Variants in SLC28A1 observed in about 807,000 individuals in gnomAD.
SLC28A1 encodes the protein solute carrier family 28 member 1.
In SLC28A1, 64 loss-of-function variants were observed where a neutral mutation model predicts 74.8. The ratio of observed to expected loss-of-function variants is 0.86; its 90% CI spans 0.70 to 1.05. The LOEUF (loss-of-function observed/expected upper bound fraction) is 1.05, where lower values mean the gene tolerates loss of function less well. Among genes scored for constraint, SLC28A1 ranks in the 50% least tolerant of loss-of-function variants. SLC28A1 has a pLI of 0.00. For missense variants in SLC28A1, 828 were observed against 822.8 expected, an observed-to-expected ratio of 1.01 and a Z score of -0.08; for synonymous variants, 359 against 335.0, an observed-to-expected ratio of 1.07 and a Z score of -0.78.
chr15:84,891,686 G>A (rs549261056), intron 5 of SLC28A1, among the ~76,000 whole-genome samples: 1 of 152,342 alleles, frequency 6.6e-6, no homozygotes, highest in African/African-American at 2.4e-5. Flanking sequence ...TAGGGACAAG[G>A]AGGCCACTGG....
intron 7 of SLC28A1, 59 bp from the exon 8 acceptor site, chr15:84,905,480 C>A: frequency 8.2e-7 from 1 of 1,221,662 alleles, no homozygotes; most frequent in Non-Finnish European, 1.2e-6. Context: ...CACCCCCACC[C>A]GGCTCCCTGC....
the SLC28A1 span, among the ~76,000 whole-genome samples, chr15:84,973,203 T>G: frequency 6.6e-6 from 1 of 152,236 alleles, no homozygotes; most frequent in Non-Finnish European, 1.5e-5. Context: ...CCTTTGTACT[T>G]TCTTTTACCT....
intron 6 of SLC28A1, among the ~76,000 whole-genome samples, chr15:84,899,184 G>GA (rs139497758): frequency 0.24 from 35,491 of 148,346 alleles, 4,493 homozygotes; most frequent in Middle Eastern, 0.35. Flanking sequence ...CAGTAGCAGA[G>GA]AAAAAAAAAA....
the SLC28A1 span, among the ~76,000 whole-genome samples, chr15:84,971,595 T>A: frequency 6.6e-6 from 1 of 152,174 alleles, no homozygotes; most frequent in Non-Finnish European, 1.5e-5. Flanking sequence ...CCATGCTTCT[T>A]GTACAGCCTG....
chr15:84,966,967 TG>T, the SLC28A1 span, among the ~76,000 whole-genome samples: 7,785 of 151,836 alleles, frequency 0.051, 517 homozygotes, highest in Admixed American at 0.17. Context: ...TTTTAAGAGA[TG>T]GGGGGTCTTG....
chr15:84,941,487 G>A (rs1194067482), intron 15 of SLC28A1, among the ~76,000 whole-genome samples: 1 of 151,782 alleles, frequency 6.6e-6, no homozygotes, highest in East Asian at 1.9e-4. Flanking sequence ...TTACAGGCGT[G>A]ACCCACTGCA....
chr15:84,969,118 C>T, the SLC28A1 span, among the ~76,000 whole-genome samples: 3 of 152,194 alleles, frequency 2.0e-5, no homozygotes, highest in Non-Finnish European at 4.4e-5. Flanking sequence ...TCTGGTTCTG[C>T]CAGCTTCTAC....
chr15:84,940,835 A>G (rs542607882), intron 15 of SLC28A1: 284 of 195,526 alleles, frequency 1.5e-3, no homozygotes, highest in African/African-American at 6.2e-3. Context: ...AGAAGAGGCC[A>G]AAGGAGGCCT....
Position 84,895,298 on chromosome 15 carries a change from T to C in SLC28A1, c.461+175T>C, listed in dbSNP as rs186400684. On this transcript the variant is annotated intron_variant, in intron 6 of 18. Coordinates refer to ENST00000394573, the MANE Select transcript of SLC28A1 (RefSeq NM_004213.5). The stretch of plus-strand genomic sequence containing the variant: ...TTCAAACAAAGCAGCATCTTTGTGG[T>C]GTTTCACCAGTTCTTAGTCCCAGTT... The C allele has an allele frequency of 1.9e-3, 3,008 of 1,596,188 alleles. 47 individuals are homozygous for C. The African/African-American group carries it at 0.033, about 17-fold the overall frequency.
At chr15:84,941,703 G>A (rs764940605) in intron 15 of SLC28A1, among the ~76,000 whole-genome samples, 7 of 152,050 alleles carry the variant, frequency 4.6e-5, no homozygotes, top group African/African-American at 2.4e-5. Context: ...GGCCAACATG[G>A]CAAACAGGAA....
chr15:84,898,723 G>T (rs371998183), intron 6 of SLC28A1, among the ~76,000 whole-genome samples: 1 of 152,174 alleles, frequency 6.6e-6, no homozygotes, highest in Non-Finnish European at 1.5e-5. Context: ...TGGACATCAG[G>T]CAATAAAGGA....
At chr15:84,946,100 ATATATATATATATTTTTT>A, downstream of SLC28A1, among the ~76,000 whole-genome samples, 1 of 14,980 alleles carries the variant, frequency 6.7e-5, no homozygotes, top group South Asian at 3.9e-3. Context: ...ATATATATAT[ATATATATATATATTTTTT>A]TTTTTTTTTT....
At chr15:84,907,427 T>G (rs1054921748) in intron 8 of SLC28A1, among the ~76,000 whole-genome samples, 1 of 152,230 alleles carries the variant, frequency 6.6e-6, no homozygotes, top group Non-Finnish European at 1.5e-5. Flanking sequence ...TCAAGTAATC[T>G]GCCCGCCTTG....
At chr15:84,973,753 G>A in the SLC28A1 span, among the ~76,000 whole-genome samples, 2 of 152,172 alleles carry the variant, frequency 1.3e-5, no homozygotes, top group African/African-American at 4.8e-5. Flanking sequence ...TATGAGCTCC[G>A]TGAAGTCAGG....
chr15:84,888,887 C>G, intron 4 of SLC28A1, 27 bp downstream of exon 4: 2 of 1,512,340 alleles, frequency 1.3e-6, no homozygotes, highest in Non-Finnish European at 1.8e-6. Context: ...GAGACAAGGG[C>G]GGGCCTGGGG....
chr15:84,954,157 T>C, the SLC28A1 span, among the ~76,000 whole-genome samples: 138 of 152,304 alleles, frequency 9.1e-4, 1 homozygote, highest in African/African-American at 3.2e-3. Context: ...GTCAGGGACG[T>C]GTGCCCTCCT....
At chr15:84,961,181 C>T in the SLC28A1 span, among the ~76,000 whole-genome samples, 10 of 152,104 alleles carry the variant, frequency 6.6e-5, no homozygotes, top group Admixed American at 3.3e-4. Flanking sequence ...AATGCAAGGC[C>T]GTGCTCTGAA....
chr15:84,894,238 G>A (rs1019372875), intron 5 of SLC28A1, among the ~76,000 whole-genome samples: 7 of 152,028 alleles, frequency 4.6e-5, no homozygotes, highest in Admixed American at 3.9e-4. Flanking sequence ...CAGCCATGGC[G>A]GTGGGCAACT....
At chr15:84,964,996 TG>T in the SLC28A1 span, among the ~76,000 whole-genome samples, 1 of 152,148 alleles carries the variant, frequency 6.6e-6, no homozygotes, top group Non-Finnish European at 1.5e-5. Context: ...ATCCTCAGTA[TG>T]GAATGCCAGT....
Sources: gnomAD v4.1 joint callset for allele counts (sites outside exome capture counted in the v4.1 genomes callset) on GRCh38, gnomAD v4.1.1 for gene constraint, MANE v1.5 for transcripts, NCBI Gene and HGNC (gene_info 2026-07-23, HGNC 2026-07-21) for gene names.